The following ALDH7A1 variants were observed in gnomAD, a reference collection of about 807,000 sequenced individuals.
The protein encoded by ALDH7A1 is alpha-aminoadipic semialdehyde dehydrogenase.
ALDH7A1 carries 63 observed loss-of-function variants against 79.9 expected under a neutral mutation model. The ratio of observed to expected loss-of-function variants is 0.79; its 90% CI spans 0.64 to 0.97. The LOEUF is 0.97. ALDH7A1 is among the 50% of genes least tolerant of loss of function. The pLI is 0.00. For missense variants in ALDH7A1, 627 were observed against 665.2 expected (o/e 0.94, Z 0.63); for synonymous variants, 240 against 231.2 (o/e 1.04, Z -0.34).
rs1467521069 is a variant in ALDH7A1, at chr5:126,583,938, T to G, written c.387A>C (p.Gly129=). The change falls in exon 4 of 18, where the codon GGA becomes GGC. Residue 129 remains glycine (G), a synonymous_variant. Transcript: ENST00000409134. ...DALREKIQVL[G]SLVSLEMGKI... ...TACTACAAAAATACTTTACCAAGCTTCCTAGTACTTGGATCTTCTCCCGCA... is the reference window on the plus strand; with the variant it reads ...TACTACAAAAATACTTTACCAAGCTGCCTAGTACTTGGATCTTCTCCCGCA... The G allele has an allele frequency of 6.2e-6, 10 of 1,613,330 alleles. No individual in the cohort carries two copies. The highest frequency in any genetic ancestry group is 8.5e-6 in the Non-Finnish European group (10 of 1,179,264).
In ALDH7A1 at chr5:126,554,317, T is replaced by C. The variant is rs544253617; in HGVS notation, c.1170A>G (p.Lys390=). 4 of 1,614,182 alleles carry C rather than the reference T, an allele frequency of 2.5e-6. No individual in the cohort carries two copies. The South Asian group carries it at 3.3e-5, about 13-fold the overall frequency. ...CCCCATAGACCACTGTGCCACCTTC[T>C]TTCTTTGCTTCTTCCACTGCTCCAA... ...MFLGAVEEAK[K]EGGTVVYGGK... The change falls in exon 13 of 18, where the codon AAA becomes AAG. Residue 390 remains lysine (K), a synonymous_variant. Transcript: ENST00000409134.
At chr5:126,583,081 G>C in intron 4 of ALDH7A1, 107 bp from the exon 5 acceptor site, 2 of 1,348,320 alleles carry the variant, frequency 1.5e-6, no homozygotes, top group Non-Finnish European at 2.1e-6. Flanking sequence ...GTAATAAACT[G>C]AAGAAAGTCT....
chr5:126,559,191 A>T (rs1166660525), intron 11 of ALDH7A1, 49 bp downstream of exon 11: 1 of 1,496,140 alleles, frequency 6.7e-7, no homozygotes, highest in Non-Finnish European at 9.3e-7. Flanking sequence ...ACTCATTAAA[A>T]AGTAGTGTTT....
At chr5:126,551,189 A>C (rs1050993960) in intron 14 of ALDH7A1, among the ~76,000 whole-genome samples, 1 of 152,184 alleles carries the variant, frequency 6.6e-6, no homozygotes, top group African/African-American at 2.4e-5. Flanking sequence ...CACTGAGATT[A>C]CAAGCATGAG....
intron 7 of ALDH7A1, chr5:126,571,150 AT>A (rs386404930): frequency 0.075 from 16,427 of 218,996 alleles, 17 homozygotes; most frequent in South Asian, 0.13. Context: ...CTATTAGCAG[AT>A]TTTTTTTTTT....
At chr5:126,587,631 CA>C (rs879404547) in intron 3 of ALDH7A1, 120 of 134,770 alleles carry the variant, frequency 8.9e-4, no homozygotes, top group East Asian at 2.9e-3. Flanking sequence ...AACTCTGTCT[CA>C]AAAAAAAAAA....
In ALDH7A1 at chr5:126,592,747, G is replaced by A; in HGVS notation, c.247-18C>T. ...ACACTGGCCTAAATTAAGAATTAGG[G>A]GGACAGAAAGGGGGAAATAAAGAGA... On this transcript the variant is annotated intron_variant, in intron 2 of 17. Coordinates refer to ENST00000409134, the MANE Select transcript of ALDH7A1 (RefSeq NM_001182.5). The A allele has an allele frequency of 6.2e-7, 1 of 1,602,754 alleles. No homozygotes were observed. Among genetic ancestry groups the A allele is most frequent in the Non-Finnish European group, 8.5e-7 (1 of 1,170,114 alleles).
chr5:126,556,024 A>G lies in ALDH7A1; in HGVS notation c.1009-9T>C. On this transcript the variant is annotated splice_polypyrimidine_tract_variant and intron_variant, in intron 11 of 17. Coordinates refer to ENST00000409134, the MANE Select transcript of ALDH7A1 (RefSeq NM_001182.5). ...ATGCTTTCATGTATAAACTAAACGA[A>G]AAAAGATATTCAAGGGCATAGTATG... The G allele has an allele frequency of 9.4e-6, 15 of 1,599,940 alleles. No homozygotes were observed. Among genetic ancestry groups the G allele is most frequent in the Non-Finnish European group, 1.3e-5 (15 of 1,167,478 alleles).
intron 5 of ALDH7A1, among the ~76,000 whole-genome samples, chr5:126,577,862 G>A (rs973403854): frequency 2.0e-5 from 3 of 151,528 alleles, no homozygotes; most frequent in Non-Finnish European, 4.4e-5. Context: ...CACCACGCCT[G>A]GCCTCACATA....
intron 2 of ALDH7A1, 43 bp downstream of exon 2, chr5:126,593,308 A>G (rs898655360): frequency 8.3e-7 from 1 of 1,205,090 alleles, no homozygotes; most frequent in Non-Finnish European, 1.2e-6. Flanking sequence ...ATTTGAATTA[A>G]ACACACACAC....
intron 9 of ALDH7A1, among the ~76,000 whole-genome samples, chr5:126,567,576 C>T (rs1750628310): frequency 6.6e-6 from 1 of 151,546 alleles, no homozygotes; most frequent in Admixed American, 6.6e-5. Flanking sequence ...CGGGTTCACG[C>T]CATTCTCCTG....
chr5:126,584,334 T>G (rs114251220), intron 3 of ALDH7A1: 21 of 345,078 alleles, frequency 6.1e-5, no homozygotes, highest in Middle Eastern at 9.5e-4. Context: ...AACAGCAAGA[T>G]TGGAGGGGAA....
At chr5:126,567,907 C>T in intron 9 of ALDH7A1, 1 of 313,714 alleles carries the variant, frequency 3.2e-6, no homozygotes. Flanking sequence ...CCTCAGCCTC[C>T]CGAGTAGCTG....
chr5:126,575,577 G>A, intron 6 of ALDH7A1, 113 bp from the exon 7 acceptor site: 2 of 913,806 alleles, frequency 2.2e-6, no homozygotes, highest in South Asian at 3.1e-5. Context: ...TGTCCAATTA[G>A]ACAACTAACA....
At chr5:126,560,341 T>C (rs1341265431) in intron 10 of ALDH7A1, among the ~76,000 whole-genome samples, 1 of 152,060 alleles carries the variant, frequency 6.6e-6, no homozygotes, top group East Asian at 1.9e-4. Context: ...CATGGTGGCA[T>C]GCGCCTGTAA....
rs143088984 is a variant in ALDH7A1 at position 126,566,760 on chromosome 5, G to C, written c.871+1499C>G. On this transcript the variant is annotated intron_variant, in intron 9 of 17. Coordinates refer to ENST00000409134, the MANE Select transcript of ALDH7A1 (RefSeq NM_001182.5). ...GATCCATATACATGAGAGAAGAGCA[G>C]ATTTAAGCCTTCTATTCCACACTCA... Among the ~76,000 whole-genome samples, 256 of 152,246 alleles carry C rather than the reference G, an allele frequency of 1.7e-3. 1 individual carries two copies. The highest frequency in any genetic ancestry group is 5.9e-3 in the African/African-American group (247 of 41,562).
rs55943152 is a variant in ALDH7A1 at position 126,590,618 on chromosome 5, T to C, written c.312+2046A>G. 9.8e-3 allele frequency among the ~76,000 whole-genome samples: 1,494 copies of C among 152,098 alleles called. 22 individuals carry two copies. The highest frequency in any genetic ancestry group is 0.034 in the African/African-American group (1,420 of 41,504). The stretch of plus-strand genomic sequence containing the variant: ...AAAATTATGCAGCTGGGCCTGGTGG[T>C]TCACGCCTGTAATCCCAGCACTTTG... On this transcript the variant is annotated intron_variant, in intron 3 of 17. Transcript: ENST00000409134.
chr5:126,584,262 T>C, intron 3 of ALDH7A1: 1 of 494,904 alleles, frequency 2.0e-6, no homozygotes, highest in South Asian at 2.5e-5. Flanking sequence ...CAACAAATAA[T>C]TACAAATTGC....
chr5:126,573,129 A>G (rs1750835013), intron 7 of ALDH7A1, among the ~76,000 whole-genome samples: 1 of 152,064 alleles, frequency 6.6e-6, no homozygotes, highest in Non-Finnish European at 1.5e-5. Context: ...AAAAAAAAAA[A>G]AAAAAAAAGC....
Sources: gnomAD v4.1 joint callset for allele counts (sites outside exome capture counted in the v4.1 genomes callset) on GRCh38, gnomAD v4.1.1 for gene constraint, MANE v1.5 for transcripts, NCBI Gene and HGNC (gene_info 2026-07-23, HGNC 2026-07-21) for gene names.